ERI3: variants seen among roughly 807,000 people sequenced by gnomAD.
ERI3 encodes the protein ERI1 exoribonuclease 3.
Under a neutral mutation model 44.4 loss-of-function variants are expected in ERI3, and 18 were observed. The ratio of observed to expected loss-of-function variants is 0.41; its 90% confidence interval spans 0.28 to 0.60. The LOEUF (loss-of-function observed/expected upper bound fraction) is 0.60. ERI3 is among the 20% of genes least tolerant of loss of function. The pLI is 0.36. For synonymous variants in ERI3, 183 were observed against 164.8 expected (o/e 1.11, Z -0.84); for missense variants, 294 against 435.5 (o/e 0.68, Z 2.89).
intron 6 of ERI3, among the ~76,000 whole-genome samples, chr1:44,295,140 G>T (rs1335503888): frequency 6.6e-6 from 1 of 152,166 alleles, no homozygotes; most frequent in Non-Finnish European, 1.5e-5. Flanking sequence ...GTGCTCCATG[G>T]AGTTCTAGGG....
chr1:44,326,719 G>C (rs1646323164), intron 3 of ERI3, among the ~76,000 whole-genome samples: 1 of 152,134 alleles, frequency 6.6e-6, no homozygotes, highest in Non-Finnish European at 1.5e-5. Flanking sequence ...CGAAGTTTCA[G>C]GACAAGGAAG....
rs1644448941 is a variant in ERI3 at position 44,241,992 on chromosome 1, A to G, written c.931+5947T>C. On this transcript the variant is annotated intron_variant, in intron 8 of 8. Coordinates refer to ENST00000372257, the MANE Select transcript of ERI3 (RefSeq NM_024066.3). The surrounding 1 kb of genome is among the most constrained non-coding windows in gnomAD (Gnocchi z 5.6). ...TGTCTGGCAAGAACCAATTCCTCAG[A>G]TGTCTCTGGGGCTCCAAGGGGGTCA... 3 of 985,582 alleles carry G rather than the reference A, an allele frequency of 3.0e-6. No homozygotes were observed. The highest frequency in any genetic ancestry group is 3.6e-6 in the Non-Finnish European group (3 of 830,082). 61.1% of individuals were successfully genotyped at this position (985,582 alleles called of 1,614,324 possible).
chr1:44,250,448 G>A (rs1290689917), intron 7 of ERI3, among the ~76,000 whole-genome samples: 2 of 152,204 alleles, frequency 1.3e-5, no homozygotes, highest in South Asian at 2.1e-4. Flanking sequence ...AGACTGGGAC[G>A]TGTGAAAGGG....
intron 7 of ERI3, among the ~76,000 whole-genome samples, chr1:44,254,875 C>G (rs1291663232): frequency 6.6e-6 from 1 of 151,630 alleles, no homozygotes; most frequent in Admixed American, 6.6e-5. Flanking sequence ...TCCCCACCTC[C>G]TCAGGCCCTT....
chr1:44,249,457 G>C (rs1644629263), intron 7 of ERI3, among the ~76,000 whole-genome samples: 1 of 152,236 alleles, frequency 6.6e-6, no homozygotes, highest in African/African-American at 2.4e-5. Context: ...CCAGGGCCCA[G>C]ATTCTGTGTC....
At chr1:44,293,806 G>C (rs1645556952) in intron 6 of ERI3, among the ~76,000 whole-genome samples, 1 of 152,176 alleles carries the variant, frequency 6.6e-6, no homozygotes, top group Non-Finnish European at 1.5e-5. Flanking sequence ...ACTGTCTCCT[G>C]TGTGTCCTCT....
In ERI3 at chr1:44,289,515, A is replaced by C. The variant is rs116692260; in HGVS notation, c.759-4608T>G. Among the ~76,000 whole-genome samples, 625 of 152,368 alleles carry C rather than the reference A, an allele frequency of 4.1e-3. 3 individuals are homozygous for C. The highest frequency in any genetic ancestry group is 0.014 in the African/African-American group (595 of 41,588). ...TTACTCCTTTTGAATAACAGAAAAGAAAGCAAAGAGCATTCCCCCTACTTA... is the reference window on the plus strand; with the variant it reads ...TTACTCCTTTTGAATAACAGAAAAGCAAGCAAAGAGCATTCCCCCTACTTA... On this transcript the variant is annotated intron_variant, in intron 6 of 8. Coordinates refer to ENST00000372257, the MANE Select transcript of ERI3 (RefSeq NM_024066.3).
intron 6 of ERI3, among the ~76,000 whole-genome samples, chr1:44,295,314 A>G (rs182938195): frequency 4.3e-4 from 65 of 152,302 alleles, no homozygotes; most frequent in African/African-American, 1.5e-3. Context: ...AAATACTACC[A>G]TTCCATCTCT....
intron 2 of ERI3, among the ~76,000 whole-genome samples, chr1:44,345,920 C>T (rs753637833): frequency 1.3e-5 from 2 of 152,216 alleles, no homozygotes; most frequent in Non-Finnish European, 2.9e-5. Context: ...GGGTCTCAGG[C>T]TACTGCTCCA....
intron 7 of ERI3, among the ~76,000 whole-genome samples, chr1:44,259,129 A>G (rs931014998): frequency 6.6e-6 from 1 of 152,230 alleles, no homozygotes; most frequent in African/African-American, 2.4e-5. Context: ...GAGCTTCCAC[A>G]GCTTTCTCCA....
chr1:44,249,316 A>C (rs1162629907), intron 7 of ERI3, among the ~76,000 whole-genome samples: 1 of 152,188 alleles, frequency 6.6e-6, no homozygotes, highest in Admixed American at 6.5e-5. Context: ...CTGTGAGTAG[A>C]TGAGCACCGC....
chr1:44,240,423 A>G (rs1414405844), intron 8 of ERI3, among the ~76,000 whole-genome samples: 1 of 152,168 alleles, frequency 6.6e-6, no homozygotes, highest in Non-Finnish European at 1.5e-5. Flanking sequence ...AAATGGATCC[A>G]GGCGTGGTGA....
intron 3 of ERI3, among the ~76,000 whole-genome samples, chr1:44,331,587 C>G (rs964555643): frequency 6.6e-6 from 1 of 152,224 alleles, no homozygotes; most frequent in Admixed American, 6.5e-5. Context: ...ATGACACCTT[C>G]TAGCTCGAAT....
intron 8 of ERI3, among the ~76,000 whole-genome samples, chr1:44,231,734 C>G (rs1050257318): frequency 6.6e-6 from 1 of 152,172 alleles, no homozygotes; most frequent in Non-Finnish European, 1.5e-5. Context: ...CAGAATTAAT[C>G]CTCTGTGGTC....
intron 3 of ERI3, among the ~76,000 whole-genome samples, chr1:44,335,712 T>C (rs1646522005): frequency 2.8e-5 from 4 of 145,150 alleles, no homozygotes; most frequent in African/African-American, 5.1e-5. Context: ...GATCACACCA[T>C]TGCACTCCAG....
rs561361833 is a variant in ERI3, at chr1:44,266,407, G to A, written c.832-18369C>T. ...AGTGTCTCAAAGGTCAGGCTAGAGA[G>A]CTTATACTTTGTTCAGTAGACACTA... On this transcript the variant is annotated intron_variant, in intron 7 of 8. Coordinates refer to ENST00000372257, the MANE Select transcript of ERI3 (RefSeq NM_024066.3). Among the ~76,000 whole-genome samples, 5 of 152,300 alleles carry A rather than the reference G, an allele frequency of 3.3e-5. No individual in the cohort carries two copies. In the East Asian group the frequency reaches 7.7e-4, roughly 23 times the overall value.
intron 7 of ERI3, chr1:44,284,136 C>CT (rs1645344985): frequency 4.3e-6 from 2 of 464,734 alleles, no homozygotes; most frequent in Non-Finnish European, 8.9e-6. Flanking sequence ...GCAAGGATTC[C>CT]TCTAGAGCAG....
intron 8 of ERI3, among the ~76,000 whole-genome samples, chr1:44,242,353 G>A (rs1310664277): frequency 6.6e-6 from 1 of 152,214 alleles, no homozygotes; most frequent in Non-Finnish European, 1.5e-5. Flanking sequence ...CAGGTCATCT[G>A]AAGCCCAGAA....
chr1:44,240,820 G>A (rs938593334), intron 8 of ERI3, among the ~76,000 whole-genome samples: 1 of 152,196 alleles, frequency 6.6e-6, no homozygotes, highest in Non-Finnish European at 1.5e-5. Flanking sequence ...GAGCTAAGAG[G>A]AAGGGTCCAG....
Sources: gnomAD v4.1 joint callset for allele counts (sites outside exome capture counted in the v4.1 genomes callset) on GRCh38, gnomAD v4.1.1 for gene constraint, Gnocchi (gnomAD v3.1) non-coding constraint, MANE v1.5 for transcripts, NCBI Gene and HGNC (gene_info 2026-07-23, HGNC 2026-07-21) for gene names.